OPRM1: variants seen among roughly 807,000 people sequenced by gnomAD.
OPRM1 encodes the protein opioid receptor mu 1.
Under a neutral mutation model 31.8 loss-of-function variants are expected in OPRM1, and 27 were observed. The ratio of observed to expected loss-of-function variants is 0.85; its 90% confidence interval spans 0.63 to 1.17. The LOEUF is 1.17. OPRM1 is among the 50% of genes most tolerant of loss of function. The pLI, the probability that OPRM1 is intolerant of heterozygous loss-of-function variation, is 0.00. For synonymous variants in OPRM1, 196 were observed against 189.9 expected (o/e 1.03, Z -0.26); for missense variants, 536 against 511.1 (o/e 1.05, Z -0.47).
At chr6:154,133,462 C>T (rs1239178811), downstream of OPRM1, among the ~76,000 whole-genome samples, 1 of 152,180 alleles carries the variant, frequency 6.6e-6, no homozygotes, top group Non-Finnish European at 1.5e-5. Context: ...GGGTCACCTC[C>T]AGTCTTAGGT....
intron 3 of OPRM1, among the ~76,000 whole-genome samples, chr6:154,203,045 C>T (rs1302085728): frequency 2.0e-5 from 3 of 152,090 alleles, no homozygotes; most frequent in Non-Finnish European, 4.4e-5. Flanking sequence ...CTTTATAGAC[C>T]GTGTAGTGCT....
At chr6:154,211,740 G>A (rs1251584728) in intron 3 of OPRM1, among the ~76,000 whole-genome samples, 1 of 152,184 alleles carries the variant, frequency 6.6e-6, no homozygotes, top group Non-Finnish European at 1.5e-5. Context: ...ACTTTTAATA[G>A]GTTGGTGCAA....
chr6:154,236,930 T>C (rs1428045744), intron 3 of OPRM1, among the ~76,000 whole-genome samples: 1 of 152,210 alleles, frequency 6.6e-6, no homozygotes, highest in Non-Finnish European at 1.5e-5. Context: ...TTTAAAGACA[T>C]CGTTTCAAAC....
chr6:154,246,595 T>G, intron 3 of OPRM1: 2 of 1,610,468 alleles, frequency 1.2e-6, no homozygotes, highest in Non-Finnish European at 1.7e-6. Flanking sequence ...ACTCACCATT[T>G]GATTGCTATA....
chr6:154,109,956 G>A lies in OPRM1; in HGVS notation c.1165-8727G>A, dbSNP rs542535583. 2.6e-5 allele frequency among the ~76,000 whole-genome samples: 4 copies of A among 152,186 alleles called. No individual in the cohort carries two copies. In the East Asian group the frequency reaches 7.7e-4, roughly 29 times the overall value. On this transcript the variant is annotated intron_variant, in intron 3 of 3. Coordinates refer to ENST00000330432, the MANE Select transcript of OPRM1 (RefSeq NM_000914.5). ...CAGAATAAAGGTTTCACTAAGCAATGTTTAAAAGCCACTGTAGATCATCAG... is the reference window on the plus strand; with the variant it reads ...CAGAATAAAGGTTTCACTAAGCAATATTTAAAAGCCACTGTAGATCATCAG...
intron 1 of OPRM1, among the ~76,000 whole-genome samples, chr6:154,084,917 A>AACACACACACAC (rs71669485): frequency 2.2e-4 from 32 of 146,494 alleles, no homozygotes; most frequent in African/African-American, 6.5e-4. Context: ...TGTGGAATTA[A>AACACACACACAC]ACACACACAC....
At chr6:154,215,963 T>C (rs757504581) in intron 3 of OPRM1, among the ~76,000 whole-genome samples, 10 of 152,206 alleles carry the variant, frequency 6.6e-5, no homozygotes, top group Non-Finnish European at 1.0e-4. Flanking sequence ...TTAAAAATAT[T>C]ATTGATTTCA....
chr6:154,176,945 T>C (rs543521653), intron 3 of OPRM1, among the ~76,000 whole-genome samples: 2 of 152,112 alleles, frequency 1.3e-5, no homozygotes, highest in East Asian at 3.9e-4. Flanking sequence ...AACAGAGATA[T>C]AGACCAATGG....
intron 1 of OPRM1, among the ~76,000 whole-genome samples, chr6:154,011,246 G>C (rs1169641344): frequency 6.6e-6 from 1 of 152,088 alleles, no homozygotes; most frequent in Non-Finnish European, 1.5e-5. Context: ...TTCTCACAGT[G>C]GCCATAGAGT....
rs1797898281 is a variant in OPRM1 at position 154,131,596 on chromosome 6, C to T, written c.*12875C>T. ...TTTTAATTTACAGTAGTCCAGACAC[C>T]TAAACAGGACATAGAAATGTCAACT... On this transcript the variant is annotated 3_prime_UTR_variant, in exon 4 of 4. Coordinates refer to ENST00000330432, the MANE Select transcript of OPRM1 (RefSeq NM_000914.5). 6.6e-6 allele frequency among the ~76,000 whole-genome samples: 1 copy of T among 152,142 alleles called. No individual in the cohort carries two copies. The highest frequency in any genetic ancestry group is 2.1e-4 in the South Asian group (1 of 4,818).
intron 1 of OPRM1, among the ~76,000 whole-genome samples, chr6:154,017,808 T>C (rs1012420385): frequency 2.0e-5 from 3 of 152,220 alleles, no homozygotes; most frequent in Admixed American, 6.5e-5. Flanking sequence ...AAATAATTCC[T>C]GCTCAATCAA....
upstream of OPRM1, chr6:154,039,210 G>A (rs1779520167): frequency 6.4e-7 from 1 of 1,551,646 alleles, no homozygotes. Context: ...TCCTTGGATC[G>A]CTTTGCGCAA....
intron 3 of OPRM1, among the ~76,000 whole-genome samples, chr6:154,201,328 A>T (rs890333405): frequency 6.6e-6 from 1 of 152,168 alleles, no homozygotes; most frequent in Non-Finnish European, 1.5e-5. Context: ...CCTTCTTTTT[A>T]AAAAATGGTG....
chr6:154,017,245 C>G (rs1216351152), intron 1 of OPRM1, among the ~76,000 whole-genome samples: 1 of 152,148 alleles, frequency 6.6e-6, no homozygotes, highest in Non-Finnish European at 1.5e-5. Context: ...GTACTTGGTA[C>G]TAGTGCCTGA....
intron 1 of OPRM1, among the ~76,000 whole-genome samples, chr6:154,043,465 C>T (rs1031018282): frequency 1.3e-5 from 2 of 151,648 alleles, no homozygotes; most frequent in Non-Finnish European, 1.5e-5. Flanking sequence ...TAAACTTAAT[C>T]TAGATTCAGG....
At chr6:154,039,864 G>A in intron 1 of OPRM1, 30 bp downstream of exon 1, 2 of 1,545,236 alleles carry the variant, frequency 1.3e-6, no homozygotes, top group Non-Finnish European at 1.7e-6. Context: ...TCCGAGCGGA[G>A]GGTTCAGCGG....
intron 3 of OPRM1, among the ~76,000 whole-genome samples, chr6:154,153,595 C>CAATCACTTG (rs986911306): frequency 2.7e-5 from 4 of 149,826 alleles, no homozygotes; most frequent in Non-Finnish European, 4.4e-5. Context: ...TGAGGCAGGA[C>CAATCACTTG]AATCACTTGA....
At chr6:154,034,786 G>T (rs568180059), upstream of OPRM1, among the ~76,000 whole-genome samples, 7 of 152,240 alleles carry the variant, frequency 4.6e-5, no homozygotes, top group Non-Finnish European at 5.9e-5. Flanking sequence ...TCTGTAACTG[G>T]AAATTGAAGA....
intron 3 of OPRM1, chr6:154,093,328 A>T (rs754306734): frequency 6.2e-7 from 1 of 1,613,728 alleles, no homozygotes; most frequent in African/African-American, 1.3e-5. Flanking sequence ...TTGGTTGTGT[A>T]CCCTGGACCA....
Sources: gnomAD v4.1 joint callset for allele counts (sites outside exome capture counted in the v4.1 genomes callset) on GRCh38, gnomAD v4.1.1 for gene constraint, MANE v1.5 for transcripts, NCBI Gene and HGNC (gene_info 2026-07-23, HGNC 2026-07-21) for gene names.